Variants in MSRB3 observed in about 807,000 individuals in gnomAD.
MSRB3 encodes the protein methionine-R-sulfoxide reductase B3.
In MSRB3, 13 loss-of-function variants were observed where a neutral mutation model predicts 21.0. That is an observed-to-expected ratio of 0.62 (90% confidence interval 0.40 to 0.98). The LOEUF is 0.98. MSRB3 is among the 50% of genes least tolerant of loss of function. The pLI is 0.00. For missense variants in MSRB3, 199 were observed against 230.3 expected, an observed-to-expected ratio of 0.86 and a Z score of 0.88; for synonymous variants, 87 against 88.6, an observed-to-expected ratio of 0.98 and a Z score of 0.10.
intron 5 of MSRB3, among the ~76,000 whole-genome samples, chr12:65,441,336 A>G (rs144868814): frequency 8.6e-5 from 13 of 152,042 alleles, no homozygotes; most frequent in Admixed American, 2.6e-4. Flanking sequence ...GTTACCTTCA[A>G]TGAGGTTTCC....
At chr12:65,457,150 T>C (rs1883124603) in intron 6 of MSRB3, among the ~76,000 whole-genome samples, 1 of 152,158 alleles carries the variant, frequency 6.6e-6, no homozygotes, top group Non-Finnish European at 1.5e-5. Context: ...TTATCTTCTT[T>C]TACCTTACAG....
chr12:65,294,374 G>C (rs1292339116), intron 1 of MSRB3, among the ~76,000 whole-genome samples: 1 of 152,234 alleles, frequency 6.6e-6, no homozygotes, highest in Non-Finnish European at 1.5e-5. Flanking sequence ...TGAGTTAGGA[G>C]TTGGCCTTTT....
At chr12:65,442,088 G>A (rs749716363) in intron 5 of MSRB3, among the ~76,000 whole-genome samples, 1 of 152,156 alleles carries the variant, frequency 6.6e-6, no homozygotes, top group Non-Finnish European at 1.5e-5. Flanking sequence ...AAAAGGTGTT[G>A]TAGATCAGTG....
At chr12:65,406,889 C>G (rs911644155) in intron 5 of MSRB3, among the ~76,000 whole-genome samples, 6 of 152,170 alleles carry the variant, frequency 3.9e-5, no homozygotes, top group African/African-American at 1.4e-4. Flanking sequence ...GTGTGAGGAC[C>G]TGGCACCCGA....
At chr12:65,296,459 G>A (rs1872970889) in intron 1 of MSRB3, among the ~76,000 whole-genome samples, 1 of 152,168 alleles carries the variant, frequency 6.6e-6, no homozygotes, top group Non-Finnish European at 1.5e-5. Flanking sequence ...ACTTAATGAA[G>A]TACATGTTAT....
intron 1 of MSRB3, among the ~76,000 whole-genome samples, chr12:65,308,319 A>G (rs539830195): frequency 1.3e-5 from 2 of 152,282 alleles, no homozygotes; most frequent in South Asian, 4.1e-4. Flanking sequence ...TTGCACTGCT[A>G]TCATGTAGTG....
At chr12:65,444,191 G>C (rs1008699587) in intron 5 of MSRB3, among the ~76,000 whole-genome samples, 1 of 152,060 alleles carries the variant, frequency 6.6e-6, no homozygotes, top group Admixed American at 6.6e-5. Flanking sequence ...CTGCAAACAT[G>C]TTTGACCTGG....
At chr12:65,457,755 A>C (rs924942334) in intron 6 of MSRB3, among the ~76,000 whole-genome samples, 3 of 151,800 alleles carry the variant, frequency 2.0e-5, no homozygotes, top group African/African-American at 7.3e-5. Flanking sequence ...TTTACAAGAA[A>C]AAAAAAAACA....
chr12:65,354,518 G>A (rs12305251), intron 4 of MSRB3, among the ~76,000 whole-genome samples: 6,361 of 151,768 alleles, frequency 0.042, 434 homozygotes, highest in African/African-American at 0.15. Context: ...TGATCGAATC[G>A]GCTACTGAGG....
At position 65,322,795 on chromosome 12, in the gene MSRB3, G is replaced by A. The variant is rs114351316; in HGVS notation, c.77-4031G>A. ...ATAAGGTATGTTATAACCTCTCCAC[G>A]CCTCAGTTTCTGTATCTGTAAAATG... is the stretch of plus-strand genomic sequence containing the variant. On this transcript the variant is annotated intron_variant, in intron 2 of 6. Coordinates refer to ENST00000308259, the MANE Select transcript of MSRB3 (RefSeq NM_001031679.3). 6.4e-3 allele frequency among the ~76,000 whole-genome samples: 976 copies of A among 151,950 alleles called. 6 individuals carry two copies. Among genetic ancestry groups the A allele is most frequent in the African/African-American group, 0.022 (899 of 41,424 alleles).
chr12:65,320,826 A>C (rs2136441085), intron 2 of MSRB3, among the ~76,000 whole-genome samples: 1 of 152,330 alleles, frequency 6.6e-6, no homozygotes, highest in East Asian at 1.9e-4. Context: ...CATATGTCTT[A>C]TATATTTAAA....
chr12:65,351,386 C>T (rs1324903491), intron 4 of MSRB3, among the ~76,000 whole-genome samples: 1 of 142,518 alleles, frequency 7.0e-6, no homozygotes, highest in East Asian at 2.0e-4. Flanking sequence ...GACACCCTAA[C>T]ATCACAATTA....
intron 5 of MSRB3, among the ~76,000 whole-genome samples, chr12:65,370,325 T>C (rs954918187): frequency 3.3e-5 from 5 of 152,122 alleles, no homozygotes; most frequent in Admixed American, 2.6e-4. Flanking sequence ...ATGAATAAAG[T>C]TGATGGAGAG....
At chr12:65,379,878 ATCAG>A (rs1214842946) in intron 5 of MSRB3, among the ~76,000 whole-genome samples, 1 of 152,230 alleles carries the variant, frequency 6.6e-6, no homozygotes, top group Non-Finnish European at 1.5e-5. Context: ...ATCAGTCATG[ATCAG>A]TCAGTCAATT....
At chr12:65,291,690 G>A (rs989520801) in intron 1 of MSRB3, among the ~76,000 whole-genome samples, 4 of 152,056 alleles carry the variant, frequency 2.6e-5, no homozygotes, top group Admixed American at 6.6e-5. Context: ...AGGGTCTTTC[G>A]TTCTCAGTTT....
At chr12:65,413,637 T>C (rs1219721950) in intron 5 of MSRB3, among the ~76,000 whole-genome samples, 1 of 152,220 alleles carries the variant, frequency 6.6e-6, no homozygotes, top group Non-Finnish European at 1.5e-5. Flanking sequence ...TTATTGGTGC[T>C]TGATGTACGT....
chr12:65,358,995 T>C (rs529428133), intron 4 of MSRB3, among the ~76,000 whole-genome samples: 2 of 152,004 alleles, frequency 1.3e-5, no homozygotes, highest in South Asian at 2.1e-4. Context: ...TTCCTAATTT[T>C]AACCCCCAAA....
chr12:65,320,687 C>T (rs1016936897), intron 2 of MSRB3, among the ~76,000 whole-genome samples: 3 of 152,084 alleles, frequency 2.0e-5, no homozygotes, highest in African/African-American at 7.2e-5. Flanking sequence ...AAATACTTTC[C>T]GAGAGCTATT....
intron 5 of MSRB3, among the ~76,000 whole-genome samples, chr12:65,394,149 A>G (rs577875702): frequency 7.2e-5 from 11 of 152,284 alleles, no homozygotes; most frequent in African/African-American, 1.9e-4. Context: ...ATGCTTCTAT[A>G]TGCTTGCGTA....
Sources: allele counts gnomAD v4.1 joint callset (sites outside exome capture counted in the v4.1 genomes callset), GRCh38; gene constraint gnomAD v4.1.1; transcripts MANE v1.5; gene names NCBI Gene and HGNC (gene_info 2026-07-23, HGNC 2026-07-21).